DPP6: variants seen among roughly 807,000 people sequenced by gnomAD.
DPP6 encodes dipeptidyl peptidase like 6.
DPP6 carries 69 observed loss-of-function variants against 122.6 expected under a neutral mutation model. That is an observed-to-expected ratio of 0.56 (90% confidence interval 0.46 to 0.69). The LOEUF (loss-of-function observed/expected upper bound fraction) is 0.69, where lower values mean the gene tolerates loss of function less well. DPP6 is among the 30% of genes least tolerant of loss of function. DPP6 has a pLI of 0.00. For missense variants in DPP6, 928 were observed against 1,116.9 expected, an observed-to-expected ratio of 0.83 and a Z score of 2.41; for synonymous variants, 418 against 433.1, an observed-to-expected ratio of 0.97 and a Z score of 0.43.
At chr7:154,145,115 G>A (rs1186328089) in intron 1 of DPP6, among the ~76,000 whole-genome samples, 2 of 152,296 alleles carry the variant, frequency 1.3e-5, no homozygotes, top group South Asian at 4.2e-4. Flanking sequence ...GCTGCAATGG[G>A]ATTTGGTTAT....
At chr7:154,772,771 A>C (rs1029570475) in intron 9 of DPP6, 74 bp from the exon 10 acceptor site, 1 of 1,558,854 alleles carries the variant, frequency 6.4e-7, no homozygotes, top group African/African-American at 1.4e-5. Context: ...TCTCCCAGGA[A>C]AGGCTTTGCA....
intron 1 of DPP6, among the ~76,000 whole-genome samples, chr7:153,942,448 A>G (rs960018083): frequency 6.6e-6 from 1 of 152,226 alleles, no homozygotes; most frequent in African/African-American, 2.4e-5. Context: ...TGGCCCTCAG[A>G]GGCATTGGCT....
At chr7:153,966,521 A>G (rs1795732980) in intron 1 of DPP6, among the ~76,000 whole-genome samples, 1 of 124,468 alleles carries the variant, frequency 8.0e-6, no homozygotes, top group Non-Finnish European at 1.6e-5. Flanking sequence ...TGCTCCAGAG[A>G]AGGAAGTAAT....
At chr7:154,333,397 G>A (rs1399953644) in intron 1 of DPP6, among the ~76,000 whole-genome samples, 1 of 152,088 alleles carries the variant, frequency 6.6e-6, no homozygotes, top group Admixed American at 6.6e-5. Flanking sequence ...TGCCAATATA[G>A]CAACATAGTG....
chr7:154,064,954 C>A (rs2626808), intron 1 of DPP6, among the ~76,000 whole-genome samples: 4 of 152,156 alleles, frequency 2.6e-5, no homozygotes, highest in Non-Finnish European at 5.9e-5. Flanking sequence ...GCAGCGTCTC[C>A]TCCTCAAATG....
chr7:154,081,317 G>A (rs1803989231), intron 1 of DPP6, among the ~76,000 whole-genome samples: 1 of 147,262 alleles, frequency 6.8e-6, no homozygotes, highest in South Asian at 2.2e-4. Flanking sequence ...ATGTAGAAAG[G>A]GCCAAGCCTT....
chr7:153,755,828 A>C, the DPP6 span, among the ~76,000 whole-genome samples: 1 of 152,142 alleles, frequency 6.6e-6, no homozygotes, highest in East Asian at 1.9e-4. Context: ...ACCTTCACTC[A>C]GTCTCTTTTT....
rs1353693339 is a variant in DPP6, at chr7:153,978,876, C to T, written c.51+91142C>T. ...TGGTTGTAGTTGTGCAGTGTTACTT[C>T]TGAGGCCTCTGTTCTGCTTCATTGG... On this transcript the variant is annotated intron_variant, in intron 1 of 25. Coordinates refer to the DPP6 transcript ENST00000404039. 2.0e-5 allele frequency among the ~76,000 whole-genome samples: 3 copies of T among 152,152 alleles called. No individual in the cohort carries two copies. The East Asian group carries it at 5.8e-4, about 29-fold the overall frequency.
At chr7:154,368,244 C>G (rs1812350582) in intron 1 of DPP6, among the ~76,000 whole-genome samples, 1 of 152,232 alleles carries the variant, frequency 6.6e-6, no homozygotes, top group Non-Finnish European at 1.5e-5. Flanking sequence ...GCACAGGAAT[C>G]TGGAGAAGTA....
chr7:153,785,362 GTC>G, the DPP6 span, among the ~76,000 whole-genome samples: 5 of 152,132 alleles, frequency 3.3e-5, no homozygotes, highest in African/African-American at 9.7e-5. Context: ...CATCACAATT[GTC>G]CAGAACAGGG....
intron 1 of DPP6, among the ~76,000 whole-genome samples, chr7:154,201,360 C>T (rs980700070): frequency 6.6e-6 from 1 of 152,162 alleles, no homozygotes; most frequent in Non-Finnish European, 1.5e-5. Context: ...AACTCCTGAC[C>T]TCAGGTGATC....
At chr7:153,893,621 A>G (rs1474646199) in intron 1 of DPP6, among the ~76,000 whole-genome samples, 1 of 152,234 alleles carries the variant, frequency 6.6e-6, no homozygotes, top group African/African-American at 2.4e-5. Context: ...CTACAAATGG[A>G]AACTTAGGCT....
At chr7:154,586,181 G>C (rs931888698) in intron 5 of DPP6, among the ~76,000 whole-genome samples, 2 of 152,128 alleles carry the variant, frequency 1.3e-5, no homozygotes, top group African/African-American at 2.4e-5. Context: ...CTGATGCCAC[G>C]TGACCAGGTG....
chr7:154,309,230 A>G (rs1806637115), intron 1 of DPP6, among the ~76,000 whole-genome samples: 1 of 152,186 alleles, frequency 6.6e-6, no homozygotes, highest in Non-Finnish European at 1.5e-5. Context: ...TAGACCTGAA[A>G]ATCAGCTGTT....
chr7:154,289,679 C>T, intron 1 of DPP6, among the ~76,000 whole-genome samples: 1 of 152,176 alleles, frequency 6.6e-6, no homozygotes, highest in East Asian at 1.9e-4. Flanking sequence ...CAGTAGCAGG[C>T]CTTGTGGTAA....
Position 154,772,757 on chromosome 7 carries a change from G to A in DPP6, c.1039-88G>A, listed in dbSNP as rs188079045. 1.8e-4 allele frequency: 281 copies of A among 1,540,462 alleles called. 1 individual carries two copies. The Middle Eastern group carries it at 2.2e-3, about 12-fold the overall frequency. On this transcript the variant is annotated intron_variant, in intron 9 of 25. Coordinates refer to ENST00000377770, the MANE Select transcript of DPP6 (RefSeq NM_130797.4). ...CTCCAGTGTCCTGGAGTCCCACCTC[G>A]GAATCTCCCAGGAAAGGCTTTGCAG...
chr7:154,463,873 C>G (rs1821555058), intron 2 of DPP6, among the ~76,000 whole-genome samples: 1 of 152,126 alleles, frequency 6.6e-6, no homozygotes, highest in South Asian at 2.1e-4. Flanking sequence ...TCTCCTCAAG[C>G]AGAGGGAAAG....
At chr7:154,880,008 G>A (rs1390496236) in intron 20 of DPP6, among the ~76,000 whole-genome samples, 1 of 152,216 alleles carries the variant, frequency 6.6e-6, no homozygotes, top group African/African-American at 2.4e-5. Context: ...ACTCATAAGG[G>A]TTGAGAAAAG....
chr7:154,408,628 T>C (rs1323263691), intron 1 of DPP6, among the ~76,000 whole-genome samples: 2 of 152,224 alleles, frequency 1.3e-5, no homozygotes, highest in East Asian at 1.9e-4. Flanking sequence ...AACTCAACTA[T>C]AGACTTTCTT....
Sources: gnomAD v4.1 joint callset for allele counts (sites outside exome capture counted in the v4.1 genomes callset) on GRCh38, gnomAD v4.1.1 for gene constraint, MANE v1.5 for transcripts, NCBI Gene and HGNC (gene_info 2026-07-23, HGNC 2026-07-21) for gene names.